SENP5: variants seen among roughly 807,000 people sequenced by gnomAD.
The protein encoded by SENP5 is SUMO specific peptidase 5.
A neutral mutation model predicts 74.2 loss-of-function variants in SENP5; 21 were observed. That is an observed-to-expected ratio of 0.28 (90% CI 0.20 to 0.41). The LOEUF (loss-of-function observed/expected upper bound fraction) is 0.41. Ranked by LOEUF, SENP5 falls within the 10% of genes least tolerant of loss-of-function variation. The pLI, the probability that SENP5 is intolerant of heterozygous loss-of-function variation, is 1.00. For synonymous variants in SENP5, 311 were observed against 312.7 expected (o/e 0.99, Z 0.06); for missense variants, 717 against 889.1 (o/e 0.81, Z 2.46).
intron 6 of SENP5, among the ~76,000 whole-genome samples, chr3:196,907,646 G>A (rs1345993399): frequency 3.3e-5 from 5 of 152,124 alleles, no homozygotes; most frequent in Non-Finnish European, 7.3e-5. Flanking sequence ...CTCTAGATCA[G>A]GGGTGTCCAA....
At chr3:196,901,989 G>C (rs981781238) in intron 5 of SENP5, among the ~76,000 whole-genome samples, 5 of 152,110 alleles carry the variant, frequency 3.3e-5, no homozygotes, top group Non-Finnish European at 5.9e-5. Context: ...GAAACTGGAG[G>C]TGGGGGACCA....
intron 6 of SENP5, among the ~76,000 whole-genome samples, chr3:196,922,455 G>T (rs1171142642): frequency 6.6e-6 from 1 of 150,580 alleles, no homozygotes; most frequent in African/African-American, 2.4e-5. Flanking sequence ...CTTACACCAT[G>T]TCTGTAGATG....
chr3:196,901,176 G>C (rs1714687997), intron 5 of SENP5, among the ~76,000 whole-genome samples: 1 of 151,196 alleles, frequency 6.6e-6, no homozygotes, highest in Non-Finnish European at 1.5e-5. Context: ...CTCCCAAGTA[G>C]CTGGGATTAC....
chr3:196,869,826 A>ATTACTTTC (rs1166952622), intron 1 of SENP5, among the ~76,000 whole-genome samples: 4 of 124,066 alleles, frequency 3.2e-5, no homozygotes, highest in African/African-American at 1.3e-4. Context: ...CCTGGGCTAT[A>ATTACTTTC]TTACTTTCTA....
chr3:196,868,125 G>C (rs1713010614), intron 1 of SENP5, 52 bp downstream of exon 1: 1 of 152,236 alleles, frequency 6.6e-6, no homozygotes, highest in East Asian at 1.9e-4. Flanking sequence ...CGCCTGGCGG[G>C]GCTGGCTGGG....
chr3:196,876,461 T>C (rs972470908), intron 1 of SENP5, among the ~76,000 whole-genome samples: 3 of 145,770 alleles, frequency 2.1e-5, no homozygotes, highest in African/African-American at 5.1e-5. Context: ...GAGCTTGCAG[T>C]GAGCCGAGAT....
Position 196,927,872 on chromosome 3 carries a change from T to C in SENP5, c.2099T>C (p.Val700Ala). 3 of 1,605,608 alleles carry C rather than the reference T, an allele frequency of 1.9e-6. No homozygotes were observed. The highest frequency in any genetic ancestry group is 2.6e-6 in the Non-Finnish European group (3 of 1,172,310). The part of the protein sequence containing the change: ...PEFLQGWQTA[V>A]TKCIPQQKND... Reference sequence around the variant, plus strand: ...TTTCTTCAGGGTTGGCAGACTGCTGTTACGAAGGTAAGTATGTGATAACAA... The same window carrying C: ...TTTCTTCAGGGTTGGCAGACTGCTGCTACGAAGGTAAGTATGTGATAACAA... Residue 700 changes from valine to alanine, a missense_variant, in exon 8 of 10, where the codon GTT becomes GCT. Val to Ala is a moderately conservative substitution (Grantham distance 64, BLOSUM62 0). This residue lies in a region of SENP5 where 85 missense variants were observed against 188.9 expected (regional missense o/e 0.45). Coordinates refer to ENST00000323460, the MANE Select transcript of SENP5 (RefSeq NM_152699.5).
intron 1 of SENP5, 131 bp from the exon 2 acceptor site, chr3:196,885,020 A>C: frequency 1.7e-6 from 1 of 580,664 alleles, no homozygotes; most frequent in South Asian, 2.4e-5. Context: ...ATAAGATTTC[A>C]TTGTGTCCAA....
chr3:196,927,900 A>T, intron 8 of SENP5, 21 bp downstream of exon 8: 3 of 1,476,796 alleles, frequency 2.0e-6, no homozygotes, highest in Non-Finnish European at 2.8e-6. Flanking sequence ...GATAACAATG[A>T]AACCCAGGCA....
intron 1 of SENP5, among the ~76,000 whole-genome samples, chr3:196,874,698 G>GGA (rs1371076425): frequency 6.6e-6 from 1 of 152,132 alleles, no homozygotes; most frequent in East Asian, 1.9e-4. Flanking sequence ...TGACCAACAT[G>GGA]GAGAAACCCG....
intron 7 of SENP5, among the ~76,000 whole-genome samples, chr3:196,926,548 G>A (rs1292319453): frequency 6.6e-6 from 1 of 151,920 alleles, no homozygotes; most frequent in African/African-American, 2.4e-5. Context: ...TTCTTTAGAG[G>A]GAGCAGTGCA....
intron 5 of SENP5, among the ~76,000 whole-genome samples, chr3:196,902,423 T>C (rs557078203): frequency 6.6e-6 from 1 of 152,364 alleles, no homozygotes; most frequent in South Asian, 2.1e-4. Flanking sequence ...TGAGCCACTA[T>C]GTCTGGCAGC....
intron 9 of SENP5, 45 bp downstream of exon 9, chr3:196,929,728 G>A (rs747363181): frequency 2.2e-6 from 3 of 1,368,754 alleles, no homozygotes; most frequent in South Asian, 1.2e-5. Flanking sequence ...TGTGAATTGA[G>A]TCTGTTGGGT....
chr3:196,886,110 T>G lies in SENP5; in HGVS notation c.929T>G (p.Met310Arg). ...CGGCATCAGCCGTACTTTCCAGATA[T>G]GGACAGCAGTGCTGTGGTGAAGGGG... ...SCRHQPYFPD[M>R]DSSAVVKGTN... Residue 310 changes from methionine (M) to arginine (R), a missense_variant, in exon 2 of 10, where the codon ATG becomes AGG. Coordinates refer to ENST00000323460, the MANE Select transcript of SENP5 (RefSeq NM_152699.5). 3.1e-6 allele frequency: 5 copies of G among 1,614,198 alleles called. No homozygotes were observed. The highest frequency in any genetic ancestry group is 4.2e-6 in the Non-Finnish European group (5 of 1,180,036).
At position 196,885,404 on chromosome 3, in the gene SENP5, C is replaced by A. The variant is rs1285611065; in HGVS notation, c.223C>A (p.Pro75Thr). 3.1e-6 allele frequency: 5 copies of A among 1,614,108 alleles called. No individual in the cohort carries two copies. Among genetic ancestry groups the A allele is most frequent in the Non-Finnish European group, 4.2e-6 (5 of 1,180,016 alleles). ...QIQKTWIKDE[P>T]LCAKTKFNVA... ...CCAGAAAACGTGGATCAAGGATGAA[C>A]CCCTTTGTGCTAAGACCAAGTTCAA... The change falls in exon 2 of 10, where the codon CCC becomes ACC. Residue 75 changes from proline (P) to threonine (T), a missense_variant. Transcript: ENST00000323460.
At chr3:196,876,960 A>G (rs1713504126) in intron 1 of SENP5, among the ~76,000 whole-genome samples, 1 of 152,184 alleles carries the variant, frequency 6.6e-6, no homozygotes, top group Non-Finnish European at 1.5e-5. Flanking sequence ...GTTGGGCACT[A>G]CAAAACCCAA....
chr3:196,878,518 C>A (rs193246866), intron 1 of SENP5, among the ~76,000 whole-genome samples: 109 of 152,222 alleles, frequency 7.2e-4, no homozygotes, highest in Non-Finnish European at 2.1e-4. Flanking sequence ...CTGCTGTTTC[C>A]CATTCACCAA....
chr3:196,887,511 GTTT>G (rs113215771), intron 2 of SENP5, among the ~76,000 whole-genome samples: 1 of 142,846 alleles, frequency 7.0e-6, no homozygotes. Flanking sequence ...GATTGTTTCT[GTTT>G]TTTTTTTTTT....
At position 196,916,420 on chromosome 3, in the gene SENP5, C is replaced by T. The variant is rs529821246; in HGVS notation, c.1885-6994C>T. Among the ~76,000 whole-genome samples the T allele has an allele frequency of 1.1e-4, 17 of 152,178 alleles. 1 individual carries two copies. Among genetic ancestry groups the T allele is most frequent in the African/African-American group, 4.1e-4 (17 of 41,502 alleles). On this transcript the variant is annotated intron_variant, in intron 6 of 9. Coordinates refer to ENST00000323460, the MANE Select transcript of SENP5 (RefSeq NM_152699.5). ...ATCTCATAGTGACAGAGATATGCAA[C>T]CTCTCAGACAATTGAAAATAGCTGT...
Sources: allele counts gnomAD v4.1 joint callset (sites outside exome capture counted in the v4.1 genomes callset), GRCh38; gene constraint gnomAD v4.1.1; regional missense constraint gnomAD v4.1.1; transcripts MANE v1.5; gene names NCBI Gene and HGNC (gene_info 2026-07-23, HGNC 2026-07-21).